ANKRD28: variants seen among roughly 807,000 people sequenced by gnomAD.
The protein encoded by ANKRD28 is ankyrin repeat domain 28.
Under a neutral mutation model 126.5 loss-of-function variants are expected in ANKRD28, and 44 were observed. The ratio of observed to expected loss-of-function variants is 0.35; its 90% CI spans 0.27 to 0.45. The LOEUF is 0.45. Among genes scored for constraint, ANKRD28 ranks in the 20% least tolerant of loss-of-function variants. The pLI is 1.00. For missense variants in ANKRD28, 1,110 were observed against 1,316.6 expected, an observed-to-expected ratio of 0.84 and a Z score of 2.43; for synonymous variants, 442 against 468.5, an observed-to-expected ratio of 0.94 and a Z score of 0.73.
intron 4 of ANKRD28, among the ~76,000 whole-genome samples, chr3:15,741,697 C>T (rs1164082832): frequency 1.8e-4 from 6 of 33,636 alleles, no homozygotes; most frequent in East Asian, 6.9e-4. Flanking sequence ...TGGTTCTATC[C>T]TTTTTTTTTT....
intron 14 of ANKRD28, among the ~76,000 whole-genome samples, chr3:15,700,458 CAA>C (rs71045180): frequency 1.6e-4 from 23 of 146,792 alleles, no homozygotes; most frequent in African/African-American, 4.3e-4. Flanking sequence ...AGTATAATGA[CAA>C]AAAAAAAAAA....
intron 3 of ANKRD28, among the ~76,000 whole-genome samples, chr3:15,759,396 C>T (rs970306122): frequency 1.3e-5 from 2 of 152,152 alleles, no homozygotes; most frequent in Non-Finnish European, 2.9e-5. Context: ...AATAAGCTCA[C>T]TGTTTGCTAT....
chr3:15,694,601 G>C (rs563734523), intron 17 of ANKRD28, 138 bp downstream of exon 17: 2 of 522,572 alleles, frequency 3.8e-6, no homozygotes, highest in South Asian at 1.1e-4. Flanking sequence ...ATTAAAGAAA[G>C]TTCTCAAAGT....
intron 1 of ANKRD28, among the ~76,000 whole-genome samples, chr3:15,822,860 A>G (rs1003657945): frequency 2.0e-5 from 3 of 152,236 alleles, no homozygotes; most frequent in Non-Finnish European, 2.9e-5. Flanking sequence ...AACAAAACTG[A>G]TAAGCTTTTA....
At chr3:15,776,751 T>G (rs189328699) in intron 2 of ANKRD28, among the ~76,000 whole-genome samples, 39 of 152,356 alleles carry the variant, frequency 2.6e-4, no homozygotes, top group Non-Finnish European at 5.1e-4. Flanking sequence ...TACATAAGTT[T>G]ATTATATTTC....
intron 1 of ANKRD28, among the ~76,000 whole-genome samples, chr3:15,823,210 T>C (rs1414756722): frequency 5.9e-5 from 9 of 152,162 alleles, no homozygotes; most frequent in Admixed American, 4.6e-4. Context: ...CTAGATCTCT[T>C]GCATGCACAG....
chr3:15,721,190 T>G, intron 7 of ANKRD28, 63 bp from the exon 8 acceptor site: 1 of 1,415,312 alleles, frequency 7.1e-7, no homozygotes, highest in Non-Finnish European at 9.8e-7. Flanking sequence ...TGTTGTGAGC[T>G]ATTTTAGCAA....
Position 15,797,421 on chromosome 3 carries a change from C to G in ANKRD28, c.-900G>C. 2 of 985,392 alleles carry G rather than the reference C, an allele frequency of 2.0e-6. No homozygotes were observed. The highest frequency in any genetic ancestry group is 2.4e-6 in the Non-Finnish European group (2 of 829,966). The allele number at this position is 985,392 out of a possible 1,614,324, so 61.0% of individuals were successfully genotyped here. The stretch of plus-strand genomic sequence containing the variant: ...CATTCTTTCTCCATCAGGCAGTTGT[C>G]TGTGGCTGCTCCAGCAAAAGGGCAC... On this transcript the variant is annotated 5_prime_UTR_variant, in exon 1 of 28. Coordinates refer to ENST00000683139, the MANE Select transcript of ANKRD28 (RefSeq NM_001349278.2).
Position 15,820,162 on chromosome 3 carries a change from A to G in ANKRD28, c.28-24856T>C, listed in dbSNP as rs117815369. Among the ~76,000 whole-genome samples the G allele has an allele frequency of 3.8e-4, 58 of 152,308 alleles. No individual in the cohort carries two copies. The East Asian group carries it at 9.5e-3, about 25-fold the overall frequency. ...AGACTGGTATTATCACTAGGAATAG[A>G]GCAACTTGTTATGCACCCACTTGTG... On this transcript the variant is annotated intron_variant, in intron 1 of 27. Coordinates refer to the ANKRD28 transcript ENST00000399451.
At position 15,828,291 on chromosome 3, in the gene ANKRD28, C is replaced by T. The variant is rs555653645; in HGVS notation, c.27+31086G>A. ...ATGATTATGGAAAAATTATTACCTT[C>T]TGAAAGTCTCAGAGAAACATGAAGT... On this transcript the variant is annotated intron_variant, in intron 1 of 27. Transcript: ENST00000399451. Among the ~76,000 whole-genome samples the T allele has an allele frequency of 7.9e-5, 12 of 152,220 alleles. No individual in the cohort carries two copies. The South Asian group carries it at 2.5e-3, about 32-fold the overall frequency.
rs569382274 is a variant in ANKRD28 at position 15,853,023 on chromosome 3, T to C, written c.27+6354A>G. On this transcript the variant is annotated intron_variant, in intron 1 of 27. Transcript: ENST00000399451. This position sits in a 1 kb window ranked among gnomAD's most constrained non-coding sequence, Gnocchi z 4.2. ...GCTTAAGGAGGGTGGATGAATAATT[T>C]AATAGCATAACTAAGAATTGGGGAT... Among the ~76,000 whole-genome samples, 48 of 152,156 alleles carry C rather than the reference T, an allele frequency of 3.2e-4. No homozygotes were observed. In the Middle Eastern group the frequency reaches 0.014, roughly 43 times the overall value.
intron 7 of ANKRD28, among the ~76,000 whole-genome samples, chr3:15,723,211 G>T (rs1408444710): frequency 6.6e-6 from 1 of 152,192 alleles, no homozygotes; most frequent in Non-Finnish European, 1.5e-5. Context: ...GTCTTCTTGT[G>T]ATCCTCACAC....
intron 1 of ANKRD28, among the ~76,000 whole-genome samples, chr3:15,824,848 C>T (rs1290590852): frequency 2.0e-5 from 3 of 152,162 alleles, no homozygotes; most frequent in Non-Finnish European, 4.4e-5. Context: ...GGGCAGGATG[C>T]AAAGTTGACC....
chr3:15,667,950 CTT>C lies in ANKRD28; in HGVS notation c.*2318_*2319del, dbSNP rs2066066352. The C allele has an allele frequency of 6.6e-6, 1 of 152,210 alleles. No individual in the cohort carries two copies. The highest frequency in any genetic ancestry group is 2.4e-5 in the African/African-American group (1 of 41,446). 9.4% of individuals were successfully genotyped at this position (152,210 alleles called of 1,614,324 possible). A position where few individuals can be genotyped will look rare whatever the true frequency, so the allele number is the denominator to read the frequency against. ...GTCAAATGAGTCCTTCTGGAAATCA[CTT>C]CAGCAGAGAAGTCAAACAGCCTGTA... On this transcript the variant is annotated 3_prime_UTR_variant, in exon 28 of 28. Transcript: ENST00000683139.
rs2060861865 is a variant in ANKRD28 at position 15,817,766 on chromosome 3, T to C, written c.28-22460A>G. 1.3e-5 allele frequency among the ~76,000 whole-genome samples: 2 copies of C among 152,072 alleles called. No homozygotes were observed. The highest frequency in any genetic ancestry group is 6.6e-5 in the Admixed American group (1 of 15,264). Reference sequence around the variant, plus strand: ...TTAATCACTCTTACTTAATATCATATTGAAAGAAAGAGCACTGCCATAAGG... The same window carrying C: ...TTAATCACTCTTACTTAATATCATACTGAAAGAAAGAGCACTGCCATAAGG... On this transcript the variant is annotated intron_variant, in intron 1 of 27. Transcript: ENST00000399451. This position sits in a 1 kb window ranked among gnomAD's most constrained non-coding sequence, Gnocchi z 4.5.
rs868746180 is a variant in ANKRD28 at position 15,846,298 on chromosome 3, C to T, written c.27+13079G>A. On this transcript the variant is annotated intron_variant, in intron 1 of 27. Coordinates refer to the ANKRD28 transcript ENST00000399451. The surrounding 1 kb of genome is among the most constrained non-coding windows in gnomAD (Gnocchi z 5.4). ...GGCCAAAACAAAGAGGCTACTGGCC[C>T]CATGCAAGTCTGAAACCCAGCAAGG... is the stretch of plus-strand genomic sequence containing the variant. Among the ~76,000 whole-genome samples the T allele has an allele frequency of 2.2e-4, 33 of 152,318 alleles. No individual in the cohort carries two copies. The highest frequency in any genetic ancestry group is 7.7e-4 in the African/African-American group (32 of 41,568).
At chr3:15,682,000 G>T (rs1386478546) in intron 21 of ANKRD28, among the ~76,000 whole-genome samples, 1 of 152,070 alleles carries the variant, frequency 6.6e-6, no homozygotes, top group African/African-American at 2.4e-5. Flanking sequence ...ATGGAAAGTT[G>T]TCCATTGTTG....
intron 1 of ANKRD28, among the ~76,000 whole-genome samples, chr3:15,850,264 A>AGAGAGAGAAAG (rs1553650173): frequency 1.2e-5 from 1 of 80,436 alleles, no homozygotes; most frequent in South Asian, 5.1e-4. Flanking sequence ...GAGAGAGAGA[A>AGAGAGAGAAAG]AGTTGAAATC....
intron 2 of ANKRD28, among the ~76,000 whole-genome samples, chr3:15,768,263 T>A (rs1323784598): frequency 6.6e-6 from 1 of 152,172 alleles, no homozygotes; most frequent in Non-Finnish European, 1.5e-5. Context: ...CCTTAATTAC[T>A]TTAAGAAAAA....
Sources: allele counts gnomAD v4.1 joint callset (sites outside exome capture counted in the v4.1 genomes callset), GRCh38; gene constraint gnomAD v4.1.1; non-coding constraint Gnocchi (gnomAD v3.1); transcripts MANE v1.5; gene names NCBI Gene and HGNC (gene_info 2026-07-23, HGNC 2026-07-21).